Variants in GRIN2A observed in about 807,000 individuals in gnomAD.
GRIN2A encodes glutamate ionotropic receptor NMDA type subunit 2A, also known as glutamate receptor ionotropic, NMDA 2A.
In GRIN2A, 22 loss-of-function variants were observed where a neutral mutation model predicts 113.4. The observed-to-expected ratio is 0.19, with a 90% CI of 0.14 to 0.28. The LOEUF is 0.28. Ranked by LOEUF, GRIN2A falls within the 10% of genes least tolerant of loss-of-function variation. The pLI is 1.00. For missense variants in GRIN2A, 1,502 were observed against 1,887.0 expected (o/e 0.80, Z 3.78); for synonymous variants, 827 against 738.4 (o/e 1.12, Z -1.94).
intron 3 of GRIN2A, among the ~76,000 whole-genome samples, chr16:9,916,965 T>A (rs1338484009): frequency 6.6e-6 from 1 of 152,194 alleles, no homozygotes; most frequent in African/African-American, 2.4e-5. Flanking sequence ...GCCTAGTGGT[T>A]CATAGCAGAC....
At chr16:9,838,500 C>T (rs2042619661) in intron 7 of GRIN2A, among the ~76,000 whole-genome samples, 1 of 152,140 alleles carries the variant, frequency 6.6e-6, no homozygotes, top group Non-Finnish European at 1.5e-5. Flanking sequence ...TTTGCAGCAA[C>T]TTGGATGAAA....
chr16:9,921,340 G>A (rs1335961032), intron 3 of GRIN2A, among the ~76,000 whole-genome samples: 1 of 152,106 alleles, frequency 6.6e-6, no homozygotes, highest in Non-Finnish European at 1.5e-5. Flanking sequence ...TACCAGCTTC[G>A]CAGCATTGGA....
intron 3 of GRIN2A, among the ~76,000 whole-genome samples, chr16:9,937,128 G>A (rs890642779): frequency 6.6e-6 from 1 of 152,028 alleles, no homozygotes; most frequent in Non-Finnish European, 1.5e-5. Flanking sequence ...TTGAGGTGAT[G>A]AAAACCCCAT....
chr16:9,865,461 C>T (rs1047668880), intron 4 of GRIN2A, among the ~76,000 whole-genome samples: 2 of 152,146 alleles, frequency 1.3e-5, no homozygotes, highest in Admixed American at 6.6e-5. Flanking sequence ...GCAAACACAG[C>T]AGTTTAAAAG....
intron 11 of GRIN2A, among the ~76,000 whole-genome samples, chr16:9,794,064 A>G (rs1042054054): frequency 1.3e-5 from 2 of 152,220 alleles, no homozygotes; most frequent in African/African-American, 4.8e-5. Flanking sequence ...AAACATATGC[A>G]TGAGCATTGT....
chr16:10,026,437 G>A (rs923154417), intron 2 of GRIN2A, among the ~76,000 whole-genome samples: 3 of 150,772 alleles, frequency 2.0e-5, no homozygotes, highest in African/African-American at 7.4e-5. Context: ...TCTGCATCTT[G>A]AAGGTAGTCT....
chr16:9,808,619 A>G (rs961898116), intron 10 of GRIN2A, among the ~76,000 whole-genome samples: 15 of 152,164 alleles, frequency 9.9e-5, no homozygotes, highest in Admixed American at 5.9e-4. Context: ...AGGCTGAGAG[A>G]GGTTATTTAA....
intron 2 of GRIN2A, among the ~76,000 whole-genome samples, chr16:10,177,517 C>G (rs2050172495): frequency 1.3e-5 from 2 of 152,142 alleles, no homozygotes; most frequent in African/African-American, 2.4e-5. Context: ...ACCAATGGAC[C>G]CTTTCATTCT....
At position 10,182,194 on chromosome 16, in the gene GRIN2A, A is replaced by T. The variant is rs1340820936; in HGVS notation, c.-336T>A. 2 of 152,902 alleles carry T rather than the reference A, an allele frequency of 1.3e-5. No homozygotes were observed. Among genetic ancestry groups the T allele is most frequent in the Non-Finnish European group, 2.9e-5 (2 of 68,678 alleles). The allele number at this position is 152,902 out of a possible 1,614,324, so 9.5% of individuals were successfully genotyped here. A position where few individuals can be genotyped will look rare whatever the true frequency, so the allele number is the denominator to read the frequency against. ...TATGCGCCCAGGGGGGCTAGACAAG[A>T]GGGGGGAAGCTGAAGCCCGATGCCC... On this transcript the variant is annotated 5_prime_UTR_variant, in exon 1 of 13. Transcript: ENST00000330684.
intron 4 of GRIN2A, among the ~76,000 whole-genome samples, chr16:9,865,204 T>C (rs1173297114): frequency 6.6e-6 from 1 of 152,174 alleles, no homozygotes; most frequent in Non-Finnish European, 1.5e-5. Context: ...AAAACGTGAT[T>C]ATTCTAAGGC....
At position 9,932,521 on chromosome 16, in the gene GRIN2A, G is replaced by A. The variant is rs577271569; in HGVS notation, c.1007+5438C>T. The stretch of plus-strand genomic sequence containing the variant: ...TTCCCAAGTAGCTGGGACTACAGGC[G>A]TGCACCACCACACCCAGCTAAAGTT... On this transcript the variant is annotated intron_variant, in intron 3 of 12. Coordinates refer to ENST00000330684, the MANE Select transcript of GRIN2A (RefSeq NM_001134407.3). 3.3e-5 allele frequency among the ~76,000 whole-genome samples: 5 copies of A among 151,786 alleles called. No individual in the cohort carries two copies. The South Asian group carries it at 6.3e-4, about 19-fold the overall frequency.
intron 4 of GRIN2A, among the ~76,000 whole-genome samples, chr16:9,856,577 A>C (rs2042972526): frequency 6.7e-6 from 1 of 150,204 alleles, no homozygotes; most frequent in African/African-American, 2.5e-5. Context: ...GTGAGCCGAG[A>C]TCGCGCCACT....
rs1234452143 is a variant in GRIN2A, at chr16:9,865,462, A to C, written c.1123-15501T>G. On this transcript the variant is annotated intron_variant, in intron 4 of 12. Coordinates refer to ENST00000330684, the MANE Select transcript of GRIN2A (RefSeq NM_001134407.3). ...TTATTAATATAGTGGCAAACACAGC[A>C]GTTTAAAAGAACCGTGCATTTGGAG... is the stretch of plus-strand genomic sequence containing the variant. 3.9e-5 allele frequency among the ~76,000 whole-genome samples: 6 copies of C among 152,328 alleles called. No homozygotes were observed. In the East Asian group the frequency reaches 9.6e-4, roughly 24 times the overall value.
chr16:9,783,107 C>G (rs1311531432), intron 11 of GRIN2A, among the ~76,000 whole-genome samples: 1 of 152,194 alleles, frequency 6.6e-6, no homozygotes, highest in Non-Finnish European at 1.5e-5. Flanking sequence ...TCACCCCCTT[C>G]TGATGTCTAT....
chr16:10,152,158 G>C (rs116949156), intron 2 of GRIN2A, among the ~76,000 whole-genome samples: 196 of 152,312 alleles, frequency 1.3e-3, no homozygotes, highest in Non-Finnish European at 2.3e-3. Context: ...AAATCAAGCA[G>C]TGTAACCCAA....
Position 10,035,722 on chromosome 16 carries a change from ATTTT to A in GRIN2A, c.415-97175_415-97172del, listed in dbSNP as rs574342443. On this transcript the variant is annotated intron_variant, in intron 2 of 12. Coordinates refer to ENST00000330684, the MANE Select transcript of GRIN2A (RefSeq NM_001134407.3). Reference sequence around the variant, plus strand: ...TGAGAACCACTGCACTGGATGATCGATTTTTTTTTTTTTTTTTTTGAGATAGGGT... The same window carrying A: ...TGAGAACCACTGCACTGGATGATCGATTTTTTTTTTTTTTTGAGATAGGGT... Among the ~76,000 whole-genome samples, 395 of 140,818 alleles carry A rather than the reference ATTTT, an allele frequency of 2.8e-3. 3 individuals carry two copies. Among genetic ancestry groups the A allele is most frequent in the East Asian group, 0.023 (112 of 4,770 alleles). 92.4% of individuals were successfully genotyped at this position (140,818 alleles called of 152,430 possible).
chr16:9,983,634 T>C (rs2045930167), intron 2 of GRIN2A, among the ~76,000 whole-genome samples: 1 of 152,032 alleles, frequency 6.6e-6, no homozygotes, highest in Non-Finnish European at 1.5e-5. Flanking sequence ...AGAGACGGAG[T>C]TTCACTGCGT....
At chr16:9,900,677 G>A (rs2043904242) in intron 3 of GRIN2A, among the ~76,000 whole-genome samples, 1 of 152,132 alleles carries the variant, frequency 6.6e-6, no homozygotes, top group Admixed American at 6.6e-5. Context: ...TTAATAAAGT[G>A]GTTCTTCGAA....
chr16:10,173,645 G>A (rs2050087341), intron 2 of GRIN2A, among the ~76,000 whole-genome samples: 1 of 152,176 alleles, frequency 6.6e-6, no homozygotes, highest in South Asian at 2.1e-4. Context: ...AACGCAAAGG[G>A]CAGGACAAGT....
Sources: gnomAD v4.1 joint callset for allele counts (sites outside exome capture counted in the v4.1 genomes callset) on GRCh38, gnomAD v4.1.1 for gene constraint, MANE v1.5 for transcripts, NCBI Gene and HGNC (gene_info 2026-07-23, HGNC 2026-07-21) for gene names.